The following ZEB2 variants were observed in gnomAD, a reference collection of about 807,000 sequenced individuals.
The protein encoded by ZEB2 is zinc finger E-box-binding homeobox 2.
A neutral mutation model predicts 99.9 loss-of-function variants in ZEB2; 6 were observed. The ratio of observed to expected loss-of-function variants is 0.06; its 90% CI spans 0.03 to 0.12. The LOEUF (loss-of-function observed/expected upper bound fraction) is 0.12, where lower values mean the gene tolerates loss of function less well. ZEB2 is among the 10% of genes least tolerant of loss of function. The probability of loss-of-function intolerance (pLI) is 1.00; values close to 1 mark genes in which losing one functional copy is unlikely to be tolerated. For synonymous variants in ZEB2, 517 were observed against 542.5 expected (o/e 0.95, Z 0.65); for missense variants, 969 against 1,502.8 (o/e 0.64, Z 5.87).
At chr2:144,444,652 T>C (rs1351606509) in intron 2 of ZEB2, among the ~76,000 whole-genome samples, 1 of 152,228 alleles carries the variant, frequency 6.6e-6, no homozygotes, top group African/African-American at 2.4e-5. Flanking sequence ...TCCCCCTCTG[T>C]GCCTGTATCC....
Position 144,385,776 on chromosome 2 carries a change from TA to T in ZEB2, c.*3674del, listed in dbSNP as rs1560599991. On this transcript the variant is annotated 3_prime_UTR_variant, in exon 10 of 10. Coordinates refer to ENST00000627532, the MANE Select transcript of ZEB2 (RefSeq NM_014795.4). ...TGGGCAGTCTCCTCAAATTTGTGAC[TA>T]AGATTTGCTTTTATTAAGGCTTACA... The T allele has an allele frequency of 6.6e-6, 1 of 152,234 alleles. No individual in the cohort carries two copies. Among genetic ancestry groups the T allele is most frequent in the African/African-American group, 2.4e-5 (1 of 41,468 alleles). The allele number at this position is 152,234 out of a possible 1,614,324, so 9.4% of individuals were successfully genotyped here.
intron 6 of ZEB2, among the ~76,000 whole-genome samples, chr2:144,403,682 A>C (rs1703343596): frequency 6.6e-6 from 1 of 152,210 alleles, no homozygotes; most frequent in South Asian, 2.1e-4. Context: ...TTAAAGTGCA[A>C]ATAAAATTTC....
At chr2:144,478,979 T>C (rs1704469546) in intron 2 of ZEB2, among the ~76,000 whole-genome samples, 1 of 152,214 alleles carries the variant, frequency 6.6e-6, no homozygotes, top group Non-Finnish European at 1.5e-5. Context: ...TAAAAATGTT[T>C]ATCATTACCT....
intron 2 of ZEB2, among the ~76,000 whole-genome samples, chr2:144,460,284 C>A (rs534333789): frequency 6.6e-6 from 1 of 152,114 alleles, no homozygotes; most frequent in African/African-American, 2.4e-5. Flanking sequence ...TGAACATCAA[C>A]GGCTAAGGTA....
chr2:144,443,964 C>T (rs977463049), intron 2 of ZEB2, among the ~76,000 whole-genome samples: 2 of 151,992 alleles, frequency 1.3e-5, no homozygotes, highest in African/African-American at 4.8e-5. Flanking sequence ...AAATAAGTAA[C>T]AAAATGCTTG....
At chr2:144,456,575 TG>T (rs1704124866) in intron 2 of ZEB2, among the ~76,000 whole-genome samples, 1 of 152,148 alleles carries the variant, frequency 6.6e-6, no homozygotes, top group African/African-American at 2.4e-5. Flanking sequence ...TTTAATATAC[TG>T]TGTATCTGGT....
rs1015377538 is a variant in ZEB2, at chr2:144,385,395, A to T, written c.*4056T>A. On this transcript the variant is annotated 3_prime_UTR_variant, in exon 10 of 10. Transcript: ENST00000627532. The stretch of plus-strand genomic sequence containing the variant: ...ATAATAAGGTGGTTTTCATATATAT[A>T]TTTTTTCCCCATGTGAATTCTTTGG... 5 of 151,934 alleles carry T rather than the reference A, an allele frequency of 3.3e-5. No individual in the cohort carries two copies. The highest frequency in any genetic ancestry group is 4.8e-5 in the African/African-American group (2 of 41,364). The allele number at this position is 151,934 out of a possible 1,614,324, so 9.4% of individuals were successfully genotyped here. A position where few individuals can be genotyped will look rare whatever the true frequency, so the allele number is the denominator to read the frequency against.
rs942793509 is a variant in ZEB2 at position 144,511,834 on chromosome 2, T to C, written c.73+5444A>G. 7.0e-6 allele frequency: 9 copies of C among 1,287,106 alleles called. No individual in the cohort carries two copies. The Admixed American group carries it at 1.8e-4, about 26-fold the overall frequency. 79.7% of individuals were successfully genotyped at this position (1,287,106 alleles called of 1,614,324 possible). A position where few individuals can be genotyped will look rare whatever the true frequency, so the allele number is the denominator to read the frequency against. On this transcript the variant is annotated intron_variant, in intron 2 of 9. Coordinates refer to ENST00000627532, the MANE Select transcript of ZEB2 (RefSeq NM_014795.4). ...GGGGGAATAGGGCTATATTTATTGG[T>C]TTAAATCATCCTTCCCTCTGCTCTG...
chr2:144,456,220 C>T (rs2149902113), intron 2 of ZEB2, among the ~76,000 whole-genome samples: 1 of 152,208 alleles, frequency 6.6e-6, no homozygotes, highest in Admixed American at 6.5e-5. Flanking sequence ...AACTGTGTCA[C>T]AACCATAAAG....
intron 2 of ZEB2, among the ~76,000 whole-genome samples, chr2:144,493,979 T>C (rs908625456): frequency 6.6e-6 from 1 of 151,598 alleles, no homozygotes; most frequent in Non-Finnish European, 1.5e-5. Context: ...AGTGAAACCC[T>C]GTCTCTACTA....
chr2:144,459,594 A>G (rs1280085974), intron 2 of ZEB2, among the ~76,000 whole-genome samples: 1 of 152,182 alleles, frequency 6.6e-6, no homozygotes, highest in Non-Finnish European at 1.5e-5. Flanking sequence ...TCTTATCAAC[A>G]TACTAAAAAA....
At chr2:144,437,766 T>TG (rs1427016436) in intron 2 of ZEB2, among the ~76,000 whole-genome samples, 1 of 152,146 alleles carries the variant, frequency 6.6e-6, no homozygotes, top group Non-Finnish European at 1.5e-5. Context: ...AATGTGTCCT[T>TG]GTGTAAATAG....
intron 9 of ZEB2, 43 bp from the exon 10 acceptor site, chr2:144,390,071 A>C (rs748793750): frequency 2.5e-5 from 40 of 1,589,952 alleles, no homozygotes; most frequent in Non-Finnish European, 3.2e-5. Context: ...GTGTCTTTGC[A>C]TGAAGTCTCT....
intron 2 of ZEB2, among the ~76,000 whole-genome samples, chr2:144,490,034 T>A (rs1200105333): frequency 1.3e-5 from 2 of 152,202 alleles, no homozygotes; most frequent in Non-Finnish European, 1.5e-5. Flanking sequence ...CTTTATTATT[T>A]GGGGGAATTA....
chr2:144,421,921 G>T (rs1703624023), intron 4 of ZEB2, among the ~76,000 whole-genome samples: 1 of 152,016 alleles, frequency 6.6e-6, no homozygotes, highest in Non-Finnish European at 1.5e-5. Flanking sequence ...AAATACTTGT[G>T]TCTAAAGGCT....
At chr2:144,446,863 A>G (rs1703991944) in intron 2 of ZEB2, among the ~76,000 whole-genome samples, 1 of 151,920 alleles carries the variant, frequency 6.6e-6, no homozygotes. Context: ...AAAAATTACA[A>G]AAATTAGCCG....
intron 2 of ZEB2, chr2:144,464,274 G>A (rs1704241103): frequency 6.6e-6 from 1 of 152,138 alleles, no homozygotes; most frequent in Non-Finnish European, 1.5e-5. Flanking sequence ...GGGATTCTTG[G>A]CATCCTCTCT....
At chr2:144,405,310 T>C (rs1703371955) in intron 4 of ZEB2, 3 of 365,548 alleles carry the variant, frequency 8.2e-6, no homozygotes, top group Non-Finnish European at 1.5e-5. Context: ...ATTTAAAATG[T>C]TTTTCATAAA....
intron 2 of ZEB2, 152 bp downstream of exon 2, chr2:144,517,126 G>A: frequency 1.3e-6 from 1 of 750,886 alleles, no homozygotes; most frequent in Non-Finnish European, 1.8e-6. Flanking sequence ...GCGCGCGCCG[G>A]GCTCCGGCGC....
Sources: allele counts gnomAD v4.1 joint callset (sites outside exome capture counted in the v4.1 genomes callset), GRCh38; gene constraint gnomAD v4.1.1; transcripts MANE v1.5; gene names NCBI Gene and HGNC (gene_info 2026-07-23, HGNC 2026-07-21).